Variants in CDH12 observed in about 807,000 individuals in gnomAD.
The protein encoded by CDH12 is cadherin-12.
Under a neutral mutation model 74.1 loss-of-function variants are expected in CDH12, and 41 were observed. That is an observed-to-expected ratio of 0.55 (90% CI 0.43 to 0.72). The LOEUF (loss-of-function observed/expected upper bound fraction) is 0.72, where lower values mean the gene tolerates loss of function less well. CDH12 is among the 30% of genes least tolerant of loss of function. The pLI is 0.00. For synonymous variants in CDH12, 399 were observed against 355.0 expected, an observed-to-expected ratio of 1.12 and a Z score of -1.39; for missense variants, 945 against 977.2, an observed-to-expected ratio of 0.97 and a Z score of 0.44.
chr5:22,802,274 A>C (rs1479288518), intron 1 of CDH12, among the ~76,000 whole-genome samples: 1 of 151,788 alleles, frequency 6.6e-6, no homozygotes, highest in Non-Finnish European at 1.5e-5. Flanking sequence ...GGCGCCCGCC[A>C]CCACACCCGG....
At chr5:22,592,193 T>C (rs1385293902) in intron 1 of CDH12, among the ~76,000 whole-genome samples, 1 of 152,214 alleles carries the variant, frequency 6.6e-6, no homozygotes, top group Non-Finnish European at 1.5e-5. Context: ...AAATAAAATC[T>C]CTGATCAACT....
chr5:22,719,765 G>A (rs1188585694), intron 1 of CDH12, among the ~76,000 whole-genome samples: 5 of 152,104 alleles, frequency 3.3e-5, no homozygotes, highest in Admixed American at 6.5e-5. Flanking sequence ...CACTTACAAT[G>A]TTTAGTGGAC....
chr5:22,767,849 G>A (rs1361100602), intron 1 of CDH12, among the ~76,000 whole-genome samples: 4 of 151,544 alleles, frequency 2.6e-5, no homozygotes, highest in African/African-American at 9.7e-5. Context: ...TTATACCTGG[G>A]GGCTTTAGAA....
intron 1 of CDH12, among the ~76,000 whole-genome samples, chr5:22,732,914 A>T (rs1561610255): frequency 6.6e-6 from 1 of 151,942 alleles, no homozygotes. Context: ...CAGAAAACTA[A>T]TATACCCACT....
At chr5:22,329,688 A>G (rs779658375) in intron 3 of CDH12, among the ~76,000 whole-genome samples, 27 of 152,206 alleles carry the variant, frequency 1.8e-4, no homozygotes, top group Non-Finnish European at 3.5e-4. Flanking sequence ...TGATACATAG[A>G]GAATCTGTGC....
chr5:22,524,534 A>G (rs969393722), intron 1 of CDH12, among the ~76,000 whole-genome samples: 3 of 152,164 alleles, frequency 2.0e-5, no homozygotes, highest in Non-Finnish European at 2.9e-5. Context: ...ACATGCATAT[A>G]TTATATAAAA....
At chr5:22,654,802 T>C (rs2126888845) in intron 1 of CDH12, among the ~76,000 whole-genome samples, 1 of 150,772 alleles carries the variant, frequency 6.6e-6, no homozygotes, top group African/African-American at 2.4e-5. Flanking sequence ...GGCTAATTTT[T>C]GTATTTTTAG....
At chr5:22,735,568 CTAAAG>C (rs1423993980) in intron 1 of CDH12, among the ~76,000 whole-genome samples, 10 of 151,818 alleles carry the variant, frequency 6.6e-5, no homozygotes, top group Admixed American at 6.6e-4. Flanking sequence ...GTTTTAGTTC[CTAAAG>C]TAGTTTTCTA....
intron 1 of CDH12, among the ~76,000 whole-genome samples, chr5:22,731,834 G>A (rs1744444183): frequency 6.6e-6 from 1 of 151,744 alleles, no homozygotes; most frequent in Non-Finnish European, 1.5e-5. Flanking sequence ...ACTATGGCAT[G>A]ACTTAGCTAA....
At chr5:21,813,164 C>A (rs999226028) in intron 9 of CDH12, among the ~76,000 whole-genome samples, 1 of 152,118 alleles carries the variant, frequency 6.6e-6, no homozygotes, top group South Asian at 2.1e-4. Context: ...CTTAAGACAA[C>A]CAGAGTCACT....
chr5:22,499,788 C>G (rs570348636), intron 2 of CDH12, among the ~76,000 whole-genome samples: 4 of 151,976 alleles, frequency 2.6e-5, no homozygotes, highest in Non-Finnish European at 4.4e-5. Flanking sequence ...GTGACTTTCT[C>G]AAAAGTCAGA....
intron 5 of CDH12, among the ~76,000 whole-genome samples, chr5:22,065,667 G>C (rs1336152838): frequency 1.3e-5 from 2 of 152,130 alleles, no homozygotes; most frequent in Non-Finnish European, 2.9e-5. Flanking sequence ...AGTTAGTGAG[G>C]AGAGCCCCAG....
chr5:22,456,637 G>GA (rs35328771), intron 2 of CDH12, among the ~76,000 whole-genome samples: 15 of 149,050 alleles, frequency 1.0e-4, no homozygotes, highest in South Asian at 2.1e-4. Flanking sequence ...TCTTTGAATG[G>GA]AAAAAAAAAA....
intron 6 of CDH12, among the ~76,000 whole-genome samples, chr5:21,906,172 ATAGAT>A (rs1753632556): frequency 6.6e-6 from 1 of 152,138 alleles, no homozygotes; most frequent in African/African-American, 2.4e-5. Context: ...GTGGTCAAGA[ATAGAT>A]TAGTTTCTTG....
intron 2 of CDH12, among the ~76,000 whole-genome samples, chr5:22,478,777 T>C (rs1746274770): frequency 6.6e-6 from 1 of 152,162 alleles, no homozygotes; most frequent in Non-Finnish European, 1.5e-5. Context: ...TTAAACCCTC[T>C]ATATCATAAA....
intron 3 of CDH12, among the ~76,000 whole-genome samples, chr5:22,355,581 A>G (rs1355532244): frequency 6.6e-6 from 1 of 151,598 alleles, no homozygotes; most frequent in Non-Finnish European, 1.5e-5. Flanking sequence ...AAACATAGCA[A>G]TATCTTTTAA....
chr5:22,796,074 T>G lies in CDH12; in HGVS notation c.-523+56984A>C, dbSNP rs563395194. Among the ~76,000 whole-genome samples, 10 of 152,282 alleles carry G rather than the reference T, an allele frequency of 6.6e-5. No homozygotes were observed. In the East Asian group the frequency reaches 1.5e-3, roughly 24 times the overall value. ...TATTCCATTGTGTATATGAACCATA[T>G]TTTTTAAATCTATTCACTTATTGAT... On this transcript the variant is annotated intron_variant, in intron 1 of 14. Transcript: ENST00000382254.
chr5:21,791,768 G>C (rs1259911387), intron 10 of CDH12, among the ~76,000 whole-genome samples: 1 of 151,338 alleles, frequency 6.6e-6, no homozygotes, highest in African/African-American at 2.4e-5. Flanking sequence ...AGAGAGTATG[G>C]TTTTATTCCT....
At chr5:21,944,073 G>T (rs1755460107) in intron 6 of CDH12, among the ~76,000 whole-genome samples, 3 of 152,150 alleles carry the variant, frequency 2.0e-5, no homozygotes, top group Admixed American at 6.5e-5. Flanking sequence ...GAATCAGATT[G>T]TAGAGACATT....
Sources: gnomAD v4.1 joint callset for allele counts (sites outside exome capture counted in the v4.1 genomes callset) on GRCh38, gnomAD v4.1.1 for gene constraint, MANE v1.5 for transcripts, NCBI Gene and HGNC (gene_info 2026-07-23, HGNC 2026-07-21) for gene names.